The following COG5 variants were observed in gnomAD, a reference collection of about 807,000 sequenced individuals.
COG5 encodes the protein component of oligomeric golgi complex 5.
Under a neutral mutation model 110.4 loss-of-function variants are expected in COG5, and 86 were observed. The ratio of observed to expected loss-of-function variants is 0.78; its 90% CI spans 0.65 to 0.93. The LOEUF is 0.93. Ranked by LOEUF, COG5 falls within the 40% of genes least tolerant of loss-of-function variation. The pLI is 0.00. For missense variants in COG5, 1,077 were observed against 987.0 expected, an observed-to-expected ratio of 1.09 and a Z score of -1.22; for synonymous variants, 360 against 334.6, an observed-to-expected ratio of 1.08 and a Z score of -0.83.
At chr7:107,479,714 G>A (rs1797209435) in intron 6 of COG5, among the ~76,000 whole-genome samples, 1 of 152,026 alleles carries the variant, frequency 6.6e-6, no homozygotes, top group African/African-American at 2.4e-5. Flanking sequence ...AAGAATATCT[G>A]GCAAGGCGGA....
chr7:107,225,705 G>A (rs1356169750), intron 19 of COG5, among the ~76,000 whole-genome samples: 1 of 152,142 alleles, frequency 6.6e-6, no homozygotes, highest in Admixed American at 6.5e-5. Flanking sequence ...TAAAGACAGA[G>A]TTTTGCCATG....
At chr7:107,559,051 A>G (rs1803569053) in intron 1 of COG5, among the ~76,000 whole-genome samples, 2 of 151,964 alleles carry the variant, frequency 1.3e-5, no homozygotes, top group South Asian at 4.1e-4. Context: ...TTATGGCCTC[A>G]GATATCTCTA....
chr7:107,447,942 G>C (rs556164189), intron 6 of COG5, among the ~76,000 whole-genome samples: 21 of 152,290 alleles, frequency 1.4e-4, no homozygotes, highest in Admixed American at 2.6e-4. Context: ...GATCACCTGA[G>C]TTCAGGAGTT....
chr7:107,205,860 C>T (rs950607487), intron 21 of COG5, among the ~76,000 whole-genome samples: 4 of 151,982 alleles, frequency 2.6e-5, no homozygotes, highest in Admixed American at 2.0e-4. Context: ...ACTTTGGAAT[C>T]CCTGAAGGCT....
chr7:107,368,266 A>C (rs1813807972), intron 8 of COG5, among the ~76,000 whole-genome samples: 1 of 152,144 alleles, frequency 6.6e-6, no homozygotes, highest in South Asian at 2.1e-4. Flanking sequence ...ATGTCACATA[A>C]ATTTCTAATT....
chr7:107,358,565 T>C (rs1812830229), intron 10 of COG5, among the ~76,000 whole-genome samples: 1 of 152,094 alleles, frequency 6.6e-6, no homozygotes. Flanking sequence ...GATTGCAAGG[T>C]TGGTATTTGG....
At chr7:107,258,461 CAT>C (rs1803060710) in intron 14 of COG5, 78 bp from the exon 15 acceptor site, 21 of 814,906 alleles carry the variant, frequency 2.6e-5, no homozygotes, top group Admixed American at 3.4e-5. Context: ...CACACACACA[CAT>C]ACACACACAC....
intron 6 of COG5, among the ~76,000 whole-genome samples, chr7:107,417,858 C>T (rs1584798193): frequency 6.6e-6 from 1 of 151,854 alleles, no homozygotes; most frequent in South Asian, 2.1e-4. Context: ...GTCTTAAATC[C>T]CTTTGTATTA....
At chr7:107,411,597 T>A (rs986089495) in intron 7 of COG5, among the ~76,000 whole-genome samples, 13 of 152,156 alleles carry the variant, frequency 8.5e-5, no homozygotes, top group African/African-American at 3.1e-4. Flanking sequence ...TCATTCTATA[T>A]GAAAGTTTAT....
intron 6 of COG5, among the ~76,000 whole-genome samples, chr7:107,491,738 G>C (rs1201738052): frequency 6.6e-6 from 1 of 152,114 alleles, no homozygotes; most frequent in Non-Finnish European, 1.5e-5. Flanking sequence ...AATACAATGT[G>C]AAACAAACAT....
At chr7:107,468,383 G>T (rs527944199) in intron 6 of COG5, among the ~76,000 whole-genome samples, 1 of 151,926 alleles carries the variant, frequency 6.6e-6, no homozygotes, top group African/African-American at 2.4e-5. Flanking sequence ...TGCTTTCTCT[G>T]GTCTTAGTTT....
intron 1 of COG5, 119 bp downstream of exon 1, chr7:107,563,684 T>C (rs1393807143): frequency 4.4e-6 from 5 of 1,132,158 alleles, no homozygotes; most frequent in East Asian, 2.4e-5. Context: ...CGGAGGGGAG[T>C]GGTCACGTCC....
At chr7:107,465,066 G>T (rs930215018) in intron 6 of COG5, among the ~76,000 whole-genome samples, 2 of 152,124 alleles carry the variant, frequency 1.3e-5, no homozygotes, top group Non-Finnish European at 2.9e-5. Context: ...GATATTCAGG[G>T]CTTATGGGGA....
In COG5 at chr7:107,358,483, G is replaced by C. The variant is rs1293472067; in HGVS notation, c.1026+3550C>G. ...AAAGCCAAGTAGAAAGCAGGGTAAA[G>C]TTACTGATATAAATATACGTGCACA... On this transcript the variant is annotated intron_variant, in intron 10 of 21. Coordinates refer to ENST00000297135, the MANE Select transcript of COG5 (RefSeq NM_006348.5). Among the ~76,000 whole-genome samples the C allele has an allele frequency of 5.3e-5, 8 of 152,288 alleles. 1 individual carries two copies. The South Asian group carries it at 8.3e-4, about 16-fold the overall frequency.
chr7:107,557,903 A>T, intron 2 of COG5, 73 bp downstream of exon 2: 1 of 1,516,918 alleles, frequency 6.6e-7, no homozygotes, highest in Non-Finnish European at 9.2e-7. Flanking sequence ...ATTTGTATTT[A>T]ATAAGATTAC....
intron 6 of COG5, among the ~76,000 whole-genome samples, chr7:107,506,379 G>A (rs1235652662): frequency 6.6e-6 from 1 of 152,186 alleles, no homozygotes; most frequent in Non-Finnish European, 1.5e-5. Flanking sequence ...AACTACCAGG[G>A]TGGCTGGAGG....
At chr7:107,269,736 C>G (rs914816631) in intron 14 of COG5, among the ~76,000 whole-genome samples, 8 of 152,154 alleles carry the variant, frequency 5.3e-5, no homozygotes, top group African/African-American at 1.9e-4. Flanking sequence ...CTTATTATTA[C>G]TTCCTGCATT....
At chr7:107,445,777 C>T (rs551518954) in intron 6 of COG5, among the ~76,000 whole-genome samples, 1 of 152,328 alleles carries the variant, frequency 6.6e-6, no homozygotes, top group South Asian at 2.1e-4. Context: ...CAACCATTCA[C>T]TCATGCACTC....
At chr7:107,302,553 A>G (rs536059944) in intron 11 of COG5, among the ~76,000 whole-genome samples, 1 of 152,332 alleles carries the variant, frequency 6.6e-6, no homozygotes, top group South Asian at 2.1e-4. Flanking sequence ...CAGTAAAGCT[A>G]TTTAAGAGAA....
Sources: allele counts gnomAD v4.1 joint callset (sites outside exome capture counted in the v4.1 genomes callset), GRCh38; gene constraint gnomAD v4.1.1; transcripts MANE v1.5; gene names NCBI Gene and HGNC (gene_info 2026-07-23, HGNC 2026-07-21).